Variants in FBXL17 observed in about 807,000 individuals in gnomAD.
FBXL17 encodes F-box and leucine rich repeat protein 17.
In FBXL17, 22 loss-of-function variants were observed where a neutral mutation model predicts 66.2. The observed-to-expected ratio is 0.33, with a 90% CI of 0.24 to 0.47. FBXL17 has a LOEUF of 0.47. FBXL17 is among the 20% of genes least tolerant of loss of function. The probability of loss-of-function intolerance (pLI) is 1.00; values close to 1 mark genes in which losing one functional copy is unlikely to be tolerated. For missense variants in FBXL17, 878 were observed against 948.2 expected, an observed-to-expected ratio of 0.93 and a Z score of 0.97; for synonymous variants, 474 against 400.5, an observed-to-expected ratio of 1.18 and a Z score of -2.19.
intron 7 of FBXL17, among the ~76,000 whole-genome samples, chr5:107,929,233 G>A (rs1256746948): frequency 1.3e-5 from 2 of 152,072 alleles, no homozygotes; most frequent in Non-Finnish European, 2.9e-5. Context: ...TTTCCTTGTG[G>A]GTGGGATGGA....
chr5:108,225,291 C>A (rs975203272), intron 4 of FBXL17, among the ~76,000 whole-genome samples: 1 of 152,114 alleles, frequency 6.6e-6, no homozygotes, highest in Non-Finnish European at 1.5e-5. Context: ...TATGGATATA[C>A]TACATTTTTA....
At chr5:108,171,705 C>A (rs947099803) in intron 6 of FBXL17, among the ~76,000 whole-genome samples, 9 of 152,176 alleles carry the variant, frequency 5.9e-5, no homozygotes, top group Non-Finnish European at 1.0e-4. Flanking sequence ...AGCAATTCTG[C>A]TAGTTTTACT....
chr5:108,358,750 A>G (rs1311519473), intron 3 of FBXL17, among the ~76,000 whole-genome samples: 1 of 152,196 alleles, frequency 6.6e-6, no homozygotes, highest in Non-Finnish European at 1.5e-5. Context: ...GAGTTTGAGA[A>G]GGACTGGTGT....
intron 6 of FBXL17, among the ~76,000 whole-genome samples, chr5:108,062,636 T>G (rs1001795391): frequency 1.2e-4 from 18 of 152,188 alleles, no homozygotes; most frequent in African/African-American, 4.3e-4. Flanking sequence ...TAACAGTTTT[T>G]AAACCTAGGA....
chr5:107,964,232 T>C (rs1752030915), intron 7 of FBXL17, among the ~76,000 whole-genome samples: 2 of 152,124 alleles, frequency 1.3e-5, no homozygotes, highest in South Asian at 2.1e-4. Context: ...GAGATCACTT[T>C]GTCATATGTG....
At chr5:108,066,194 G>A (rs1339986169) in intron 6 of FBXL17, among the ~76,000 whole-genome samples, 3 of 152,060 alleles carry the variant, frequency 2.0e-5, no homozygotes, top group Admixed American at 1.3e-4. Context: ...TATAAAGAAG[G>A]TCATGAAATC....
intron 6 of FBXL17, among the ~76,000 whole-genome samples, chr5:108,121,356 G>A (rs959247694): frequency 3.9e-5 from 6 of 151,912 alleles, no homozygotes; most frequent in Non-Finnish European, 8.8e-5. Context: ...TCTTGTTAAT[G>A]TTTTTTGGCA....
intron 7 of FBXL17, among the ~76,000 whole-genome samples, chr5:107,981,594 C>T (rs1752831309): frequency 6.6e-6 from 1 of 152,256 alleles, no homozygotes; most frequent in African/African-American, 2.4e-5. Context: ...TCCCACTGGT[C>T]TAACGGAACA....
At chr5:108,310,831 T>C (rs778657502) in intron 4 of FBXL17, among the ~76,000 whole-genome samples, 1 of 152,224 alleles carries the variant, frequency 6.6e-6, no homozygotes, top group Non-Finnish European at 1.5e-5. Flanking sequence ...GTTCCTTCTT[T>C]ACACATGTCC....
chr5:108,053,269 A>T (rs952843302), intron 6 of FBXL17, among the ~76,000 whole-genome samples: 3 of 152,102 alleles, frequency 2.0e-5, no homozygotes, highest in African/African-American at 7.2e-5. Flanking sequence ...AACCTAAAGA[A>T]TGAGAGAAAA....
At chr5:108,326,178 T>G (rs1759839659) in intron 4 of FBXL17, among the ~76,000 whole-genome samples, 1 of 152,036 alleles carries the variant, frequency 6.6e-6, no homozygotes, top group Admixed American at 6.6e-5. Context: ...AAGACTCTAT[T>G]AAAACGAAAA....
chr5:108,109,499 C>G (rs565817136), intron 6 of FBXL17, among the ~76,000 whole-genome samples: 34 of 152,242 alleles, frequency 2.2e-4, no homozygotes, highest in Middle Eastern at 3.4e-3. Flanking sequence ...TTTCATCAAA[C>G]CTAGCATAAA....
intron 7 of FBXL17, among the ~76,000 whole-genome samples, chr5:107,895,853 G>C (rs1297374726): frequency 6.6e-6 from 1 of 152,086 alleles, no homozygotes; most frequent in African/African-American, 2.4e-5. Context: ...CTATGTTCAA[G>C]AGGTTACATG....
intron 7 of FBXL17, among the ~76,000 whole-genome samples, chr5:107,979,741 G>A (rs908792000): frequency 2.0e-5 from 3 of 152,108 alleles, no homozygotes; most frequent in African/African-American, 7.2e-5. Flanking sequence ...GACTTTTATT[G>A]TTTATTTGAA....
chr5:108,327,827 C>T (rs1039150128), intron 4 of FBXL17, among the ~76,000 whole-genome samples: 2 of 152,102 alleles, frequency 1.3e-5, no homozygotes, highest in African/African-American at 2.4e-5. Flanking sequence ...AGAAGAAAAA[C>T]GGCAGTTGGG....
At chr5:108,041,217 A>G (rs1237961319) in intron 6 of FBXL17, among the ~76,000 whole-genome samples, 5 of 152,174 alleles carry the variant, frequency 3.3e-5, no homozygotes, top group Non-Finnish European at 7.4e-5. Context: ...TTTTTTCTTT[A>G]GTATTTTATA....
intron 6 of FBXL17, among the ~76,000 whole-genome samples, chr5:108,152,767 AG>A (rs1751820766): frequency 6.6e-6 from 1 of 152,238 alleles, no homozygotes. Flanking sequence ...GAAGTGATAC[AG>A]GATTACCATA....
Position 108,077,303 on chromosome 5 carries a change from A to G in FBXL17, c.1746-56302T>C, listed in dbSNP as rs922473801. Reference sequence around the variant, plus strand: ...GATAAGACTAAAATTTATTTTGCAAATAAGTTAATCCTACTATGATTTTCT... The same window carrying G: ...GATAAGACTAAAATTTATTTTGCAAGTAAGTTAATCCTACTATGATTTTCT... On this transcript the variant is annotated intron_variant, in intron 6 of 8. Coordinates refer to ENST00000542267, the MANE Select transcript of FBXL17 (RefSeq NM_001163315.3). 4.1e-4 allele frequency among the ~76,000 whole-genome samples: 63 copies of G among 152,246 alleles called. 1 individual carries two copies. Among genetic ancestry groups the G allele is most frequent in the Admixed American group, 3.9e-3 (59 of 15,286 alleles).
At chr5:108,073,001 A>C (rs1400373178) in intron 6 of FBXL17, among the ~76,000 whole-genome samples, 1 of 152,218 alleles carries the variant, frequency 6.6e-6, no homozygotes, top group African/African-American at 2.4e-5. Flanking sequence ...TAGCCTTTTA[A>C]AATTTACACA....
Sources: gnomAD v4.1 joint callset for allele counts (sites outside exome capture counted in the v4.1 genomes callset) on GRCh38, gnomAD v4.1.1 for gene constraint, MANE v1.5 for transcripts, NCBI Gene and HGNC (gene_info 2026-07-23, HGNC 2026-07-21) for gene names.